HEYL: variants seen among roughly 807,000 people sequenced by gnomAD.
HEYL encodes the protein hairy/enhancer-of-split related with YRPW motif-like protein.
In HEYL, 12 loss-of-function variants were observed where a neutral mutation model predicts 18.6. The ratio of observed to expected loss-of-function variants is 0.65; its 90% CI spans 0.41 to 1.05. The LOEUF (loss-of-function observed/expected upper bound fraction) is 1.05, where lower values mean the gene tolerates loss of function less well. HEYL is among the 50% of genes least tolerant of loss of function. The pLI is 0.00. For missense variants in HEYL, 420 were observed against 444.7 expected (o/e 0.94, Z 0.50); for synonymous variants, 159 against 179.6 (o/e 0.89, Z 0.91).
Position 39,627,154 on chromosome 1 carries a change from CTG to C in HEYL, c.338_339del (p.Ala113GlyfsTer2). The C allele has an allele frequency of 6.2e-7, 1 of 1,612,804 alleles. No homozygotes were observed. Among genetic ancestry groups the C allele is most frequent in the East Asian group, 2.2e-5 (1 of 44,848 alleles). ...CGAAAACCAATGCTCCGGAAGTCAA[CTG>C]CCAGGGCTCGGGCATCAAAGAATCC... Reference protein sequence around the residue: ...GTGFFDARALAVDFRSIGFRE... With the variant: ...GTGFFDARALXVDFRSIGFRE... On this transcript the variant is annotated frameshift_variant, in exon 5 of 5. Coordinates refer to ENST00000372852, the MANE Select transcript of HEYL (RefSeq NM_014571.4). LOFTEE classifies it low-confidence loss of function (END_TRUNC).
intron 4 of HEYL, among the ~76,000 whole-genome samples, chr1:39,627,867 T>C (rs1377902340): frequency 1.3e-5 from 2 of 152,250 alleles, no homozygotes; most frequent in Non-Finnish European, 2.9e-5. Flanking sequence ...CTATCACTTA[T>C]ATTACTGGCT....
intron 1 of HEYL, among the ~76,000 whole-genome samples, chr1:39,637,217 C>A (rs879571645): frequency 3.3e-5 from 5 of 152,134 alleles, no homozygotes; most frequent in Admixed American, 6.6e-5. Context: ...ACTCATCCTG[C>A]GTCATGGGGC....
chr1:39,630,248 G>A lies in HEYL; in HGVS notation c.292C>T (p.Leu98Phe). 6.2e-7 allele frequency: 1 copy of A among 1,614,014 alleles called. No individual in the cohort carries two copies. Among genetic ancestry groups the A allele is most frequent in the African/African-American group, 1.3e-5 (1 of 75,030 alleles). ...GTACCTGTCCCACCAGTGGCATGGA[G>A]CATTTTCAAGTGATCCACCGTCATC... ...LQMTVDHLKMLHATGGTGFFD... is the reference protein window; with the variant it reads ...LQMTVDHLKMFHATGGTGFFD... Residue 98 changes from leucine (L) to phenylalanine (F), a missense_variant, in exon 4 of 5, where the codon CTC (leucine) becomes TTC (phenylalanine). Physicochemically the swap from Leu to Phe is conservative, Grantham distance 22. Coordinates refer to ENST00000372852, the MANE Select transcript of HEYL (RefSeq NM_014571.4).
intron 1 of HEYL, 191 bp from the exon 2 acceptor site, chr1:39,632,906 C>T: frequency 5.1e-6 from 5 of 985,336 alleles, no homozygotes; most frequent in Non-Finnish European, 6.0e-6. Context: ...GGCTCTTGGT[C>T]CGGACCTGCT....
At chr1:39,632,503 T>C (rs1646339075) in intron 2 of HEYL, 146 bp downstream of exon 2, 3 of 749,082 alleles carry the variant, frequency 4.0e-6, no homozygotes, top group East Asian at 2.5e-5. Flanking sequence ...GGAATCACCC[T>C]GATAGCTAGT....
intron 1 of HEYL, among the ~76,000 whole-genome samples, chr1:39,635,041 C>T (rs1383645861): frequency 2.6e-5 from 4 of 152,224 alleles, no homozygotes; most frequent in Non-Finnish European, 5.9e-5. Flanking sequence ...GAATTTGGAT[C>T]ATTTTCATCA....
Position 39,631,514 on chromosome 1 carries a change from G to A in HEYL, c.213C>T (p.Pro71=). The A allele has an allele frequency of 6.2e-7, 1 of 1,614,056 alleles. No individual in the cohort carries two copies. The highest frequency in any genetic ancestry group is 8.5e-7 in the Non-Finnish European group (1 of 1,179,924). ...CACATACCTGTTTCTCAAAGGCAGT[G>A]GGGACCAAGCGTCGCAATTCAGAAA... ...SSLSELRRLV[P]TAFEKQGSSK... The change falls in exon 3 of 5, where the codon CCC becomes CCT. Residue 71 remains proline, a synonymous_variant. Transcript: ENST00000372852.
rs949419651 is a variant in HEYL, at chr1:39,626,930, G to A, written c.564C>T (p.Ala188=). Reference sequence around the variant, plus strand: ...CCAGGATGGCGAGCTGGTTGCTCAGGGCTGGCAGCCCTGGACAGCTATGGA... The same window carrying A: ...CCAGGATGGCGAGCTGGTTGCTCAGAGCTGGCAGCCCTGGACAGCTATGGA... ...SFFHSCPGLP[A]LSNQLAILGR... The change falls in exon 5 of 5, where the codon GCC becomes GCT. Residue 188 remains alanine (A), a synonymous_variant. Coordinates refer to ENST00000372852, the MANE Select transcript of HEYL (RefSeq NM_014571.4). 1.9e-6 allele frequency: 3 copies of A among 1,612,936 alleles called. 1 individual carries two copies. The highest frequency in any genetic ancestry group is 2.7e-5 in the African/African-American group (2 of 74,986).
intron 1 of HEYL, chr1:39,632,933 CCCTCGCT>C (rs957845626): frequency 1.1e-5 from 11 of 984,870 alleles, no homozygotes; most frequent in Admixed American, 6.2e-5. Flanking sequence ...CGCCCTTCGC[CCCTCGCT>C]CCTCGCTCCT....
chr1:39,631,212 T>G lies in HEYL; in HGVS notation c.231+284A>C, dbSNP rs784626. On this transcript the variant is annotated intron_variant, in intron 3 of 4. Transcript: ENST00000372852. ...GCTGCGTGATCTGGTGTAAGTTACT[T>G]CACCTCTCTGTGCTTCAGTTTCTTT... Among the ~76,000 whole-genome samples the G allele has an allele frequency of 8.0e-3, 1,226 of 152,328 alleles. 19 individuals carry two copies. Among genetic ancestry groups the G allele is most frequent in the African/African-American group, 0.027 (1,112 of 41,556 alleles).
At chr1:39,634,390 T>G (rs972086943) in intron 1 of HEYL, among the ~76,000 whole-genome samples, 2 of 152,198 alleles carry the variant, frequency 1.3e-5, no homozygotes, top group African/African-American at 2.4e-5. Flanking sequence ...CCACCATGGC[T>G]GGCCCCAATG....
chr1:39,639,603 C>A lies in HEYL; in HGVS notation c.23G>T (p.Ser8Ile), dbSNP rs1238100969. MKRPKEP[S>I]GSDGESDGPI... The stretch of plus-strand genomic sequence containing the variant: ...TCCGTCGGACTCCCCGTCGGAGCCG[C>A]TCGGCTCCTTGGGTCGCTTCATGGC... The change falls in exon 1 of 5, where the codon AGC becomes ATC. Residue 8 changes from serine to isoleucine, a missense_variant. By Grantham distance (142) the Ser-to-Ile change is moderately radical (BLOSUM62 -2). Transcript: ENST00000372852. 6.3e-7 allele frequency: 1 copy of A among 1,575,752 alleles called. No homozygotes were observed. The highest frequency in any genetic ancestry group is 8.6e-7 in the Non-Finnish European group (1 of 1,166,206).
In HEYL at chr1:39,626,862, G is replaced by C. The variant is rs112803927; in HGVS notation, c.632C>G (p.Ala211Gly). The C allele has an allele frequency of 5.0e-5, 80 of 1,590,624 alleles. 1 individual carries two copies. In the African/African-American group the frequency reaches 6.3e-4, roughly 13 times the overall value. The change falls in exon 5 of 5, where the codon GCT becomes GGT. Residue 211 changes from alanine (A) to glycine (G), a missense_variant. By Grantham distance (60) the Ala-to-Gly change is moderately conservative (BLOSUM62 0). Transcript: ENST00000372852. ...GGTTCGGAGGGCTGGGATGGGGTAA[G>C]CAGGAGAGGAGACACCGGGGAGGAC... ...SPVLPGVSSP[A>G]YPIPALRTAP... is the part of the protein sequence containing the mutation.
intron 1 of HEYL, chr1:39,632,933 C>CCCTCGCT (rs957845626): frequency 1.6e-4 from 156 of 985,000 alleles, no homozygotes; most frequent in South Asian, 2.4e-4. Flanking sequence ...CGCCCTTCGC[C>CCCTCGCT]CCTCGCTCCT....
At chr1:39,638,238 C>T (rs1646370260) in intron 1 of HEYL, among the ~76,000 whole-genome samples, 1 of 152,198 alleles carries the variant, frequency 6.6e-6, no homozygotes, top group East Asian at 1.9e-4. Flanking sequence ...GAGGCAGGAT[C>T]CTTGGATCTC....
chr1:39,629,627 T>A lies in HEYL; in HGVS notation c.313+600A>T, dbSNP rs755496599. Among the ~76,000 whole-genome samples, 61 of 152,338 alleles carry A rather than the reference T, an allele frequency of 4.0e-4. 2 individuals carry two copies. The highest frequency in any genetic ancestry group is 1.9e-4 in the Non-Finnish European group (13 of 68,028). The stretch of plus-strand genomic sequence containing the variant: ...CTTTCAAGGTTTCCCAATTTTGAAA[T>A]CACCAAATACACAGAGAAACTTTGA... On this transcript the variant is annotated intron_variant, in intron 4 of 4. Transcript: ENST00000372852.
chr1:39,632,846 G>T, intron 1 of HEYL, 131 bp from the exon 2 acceptor site: 1 of 1,515,872 alleles, frequency 6.6e-7, no homozygotes, highest in Non-Finnish European at 8.8e-7. Flanking sequence ...CTTCCTGGGG[G>T]CTCATTTCAA....
intron 3 of HEYL, among the ~76,000 whole-genome samples, chr1:39,631,137 G>C (rs1048849112): frequency 6.6e-6 from 1 of 152,208 alleles, no homozygotes; most frequent in Non-Finnish European, 1.5e-5. Flanking sequence ...CTGTAGTGCA[G>C]AGGGATGAGG....
chr1:39,634,063 A>G (rs1334886926), intron 1 of HEYL, among the ~76,000 whole-genome samples: 2 of 152,120 alleles, frequency 1.3e-5, no homozygotes. Context: ...TCACTCACTT[A>G]AAACTCCTCA....
Sources: allele counts gnomAD v4.1 joint callset (sites outside exome capture counted in the v4.1 genomes callset), GRCh38; gene constraint gnomAD v4.1.1; transcripts MANE v1.5; gene names NCBI Gene and HGNC (gene_info 2026-07-23, HGNC 2026-07-21).